MRTFB: variants seen among roughly 807,000 people sequenced by gnomAD.
MRTFB encodes myocardin related transcription factor B.
In MRTFB, 29 loss-of-function variants were observed where a neutral mutation model predicts 104.2. The ratio of observed to expected loss-of-function variants is 0.28; its 90% CI spans 0.21 to 0.38. The LOEUF is 0.38. Among genes scored for constraint, MRTFB ranks in the 10% least tolerant of loss-of-function variants. The pLI is 1.00. For missense variants in MRTFB, 1,270 were observed against 1,341.6 expected (o/e 0.95, Z 0.83); for synonymous variants, 535 against 519.5 (o/e 1.03, Z -0.41).
At chr16:14,153,155 T>C (rs2038699765) in intron 3 of MRTFB, 1 of 152,206 alleles carries the variant, frequency 6.6e-6, no homozygotes, top group South Asian at 2.1e-4. Context: ...AAATTAGTTA[T>C]TGAGTTCTTG....
intron 8 of MRTFB, among the ~76,000 whole-genome samples, chr16:14,223,112 G>C (rs1597295566): frequency 1.3e-5 from 2 of 152,220 alleles, no homozygotes; most frequent in African/African-American, 4.8e-5. Flanking sequence ...TTCAAGACCA[G>C]CCTGGGCATC....
chr16:14,056,774 ATCTG>A, the MRTFB span, among the ~76,000 whole-genome samples: 5 of 151,650 alleles, frequency 3.3e-5, no homozygotes, highest in Non-Finnish European at 5.9e-5. Context: ...CTATGTATCT[ATCTG>A]TCTATCTATC....
At chr16:14,052,475 C>T in the MRTFB span, among the ~76,000 whole-genome samples, 39 of 152,042 alleles carry the variant, frequency 2.6e-4, no homozygotes, top group African/African-American at 9.2e-4. Context: ...CAGTGGCTCA[C>T]GCGTGTAATA....
intron 3 of MRTFB, among the ~76,000 whole-genome samples, chr16:14,162,288 C>T (rs2039071484): frequency 6.6e-6 from 1 of 152,028 alleles, no homozygotes; most frequent in Admixed American, 6.6e-5. Flanking sequence ...GAGCCATCAT[C>T]ACATCACTGT....
chr16:14,240,747 C>T (rs1362214859), intron 10 of MRTFB: 2 of 778,804 alleles, frequency 2.6e-6, no homozygotes, highest in African/African-American at 3.4e-5. Flanking sequence ...TCCAGATTTG[C>T]CTATTATTAG....
chr16:14,179,010 G>A (rs774100993), intron 3 of MRTFB, among the ~76,000 whole-genome samples: 2 of 151,962 alleles, frequency 1.3e-5, no homozygotes, highest in South Asian at 2.1e-4. Flanking sequence ...CCCAAAGTGC[G>A]GGAATTACAG....
chr16:14,260,799 C>T (rs2043742245), intron 16 of MRTFB, 110 bp from the exon 17 acceptor site: 3 of 869,230 alleles, frequency 3.5e-6, no homozygotes, highest in Admixed American at 2.7e-5. Context: ...CTAAGACGGA[C>T]GTGCATAGAA....
chr16:14,085,719 A>T (rs2034667967), intron 2 of MRTFB, among the ~76,000 whole-genome samples: 2 of 152,208 alleles, frequency 1.3e-5, no homozygotes, highest in African/African-American at 4.8e-5. Context: ...TGTCATTGTT[A>T]GAATTAGGTT....
At chr16:14,056,491 C>T in the MRTFB span, among the ~76,000 whole-genome samples, 7 of 152,182 alleles carry the variant, frequency 4.6e-5, no homozygotes, top group African/African-American at 1.7e-4. Flanking sequence ...TCCAATAAAC[C>T]CCAATTATTT....
At chr16:14,188,880 T>C (rs1250981961) in intron 3 of MRTFB, among the ~76,000 whole-genome samples, 1 of 152,238 alleles carries the variant, frequency 6.6e-6, no homozygotes, top group African/African-American at 2.4e-5. Flanking sequence ...GTTTACAAAA[T>C]AGAAGTGTTA....
At chr16:14,014,388 T>TA in the MRTFB span, among the ~76,000 whole-genome samples, 2,485 of 150,036 alleles carry the variant, frequency 0.017, 57 homozygotes, top group African/African-American at 0.058. Context: ...CTCTACAAAT[T>TA]AAAAAAAAAT....
the MRTFB span, among the ~76,000 whole-genome samples, chr16:13,996,371 G>A: frequency 1.3e-5 from 2 of 152,052 alleles, no homozygotes; most frequent in Non-Finnish European, 2.9e-5. Flanking sequence ...GTCAATATCT[G>A]TGGCCCCTCT....
In MRTFB at chr16:14,125,866, G is replaced by A. The variant is rs1382200832; in HGVS notation, c.-63-14678G>A. 3.9e-5 allele frequency among the ~76,000 whole-genome samples: 6 copies of A among 152,198 alleles called. No individual in the cohort carries two copies. In the South Asian group the frequency reaches 8.3e-4, roughly 21 times the overall value. On this transcript the variant is annotated intron_variant, in intron 2 of 16. Coordinates refer to ENST00000571589, the MANE Select transcript of MRTFB (RefSeq NM_001308142.2). ...TATAGGAAATAATTAAAATAATGCC[G>A]CTTGAAAAACAAAGAGTTTGCGGAA...
At chr16:14,045,166 A>T in the MRTFB span, among the ~76,000 whole-genome samples, 6 of 152,284 alleles carry the variant, frequency 3.9e-5, no homozygotes, top group African/African-American at 1.4e-4. Flanking sequence ...TCCGTAGGCT[A>T]CCTGGAACAT....
intron 2 of MRTFB, among the ~76,000 whole-genome samples, chr16:14,136,445 T>C (rs1272946968): frequency 2.0e-5 from 3 of 152,166 alleles, no homozygotes; most frequent in Non-Finnish European, 4.4e-5. Flanking sequence ...GACCATTGAT[T>C]CTCAATGCTT....
the MRTFB span, among the ~76,000 whole-genome samples, chr16:14,064,398 T>A: frequency 4.6e-5 from 7 of 152,224 alleles, no homozygotes; most frequent in Non-Finnish European, 8.8e-5. Context: ...TTTGCAAATA[T>A]TTTCTCCCAT....
At chr16:14,191,814 C>G (rs1312193521) in intron 3 of MRTFB, 1 of 152,106 alleles carries the variant, frequency 6.6e-6, no homozygotes, top group Non-Finnish European at 1.5e-5. Flanking sequence ...ATTGCTGGGT[C>G]ATTACTAGAT....
chr16:14,244,082 G>C (rs1233386855), intron 10 of MRTFB, among the ~76,000 whole-genome samples: 1 of 152,044 alleles, frequency 6.6e-6, no homozygotes, highest in Non-Finnish European at 1.5e-5. Context: ...GTTTCACCGT[G>C]TTAGCCAGGA....
At chr16:14,154,776 C>T (rs890875208) in intron 3 of MRTFB, among the ~76,000 whole-genome samples, 1 of 152,186 alleles carries the variant, frequency 6.6e-6, no homozygotes, top group Non-Finnish European at 1.5e-5. Flanking sequence ...TAGCAAGATT[C>T]AGTTCTTTTA....
Sources: gnomAD v4.1 joint callset for allele counts (sites outside exome capture counted in the v4.1 genomes callset) on GRCh38, gnomAD v4.1.1 for gene constraint, MANE v1.5 for transcripts, NCBI Gene and HGNC (gene_info 2026-07-23, HGNC 2026-07-21) for gene names.